Variants in PDE4D observed in about 807,000 individuals in gnomAD.
PDE4D encodes phosphodiesterase 4D.
PDE4D carries 24 observed loss-of-function variants against 87.4 expected under a neutral mutation model. The observed-to-expected ratio is 0.27, with a 90% CI of 0.20 to 0.39. The LOEUF is 0.39. Among genes scored for constraint, PDE4D ranks in the 10% least tolerant of loss-of-function variants. The pLI is 1.00. For synonymous variants in PDE4D, 384 were observed against 383.2 expected, an observed-to-expected ratio of 1.00 and a Z score of -0.02; for missense variants, 714 against 1,041.0, an observed-to-expected ratio of 0.69 and a Z score of 4.32.
chr5:59,087,958 G>A (rs1014173863), intron 5 of PDE4D, among the ~76,000 whole-genome samples: 10 of 152,160 alleles, frequency 6.6e-5, no homozygotes, highest in Non-Finnish European at 1.3e-4. Flanking sequence ...TTGTTGTAAT[G>A]TCATTGTCCT....
intron 1 of PDE4D, among the ~76,000 whole-genome samples, chr5:59,750,388 CTCCTACCTCATTTTCTATAACT>C (rs2150722014): frequency 6.6e-6 from 1 of 152,218 alleles, no homozygotes; most frequent in African/African-American, 2.4e-5. Flanking sequence ...CTTTCTGTGG[CTCCTACCTCATTTTCTATAACT>C]TCCCCCCTCC....
At chr5:59,729,688 T>A (rs1407024804) in intron 1 of PDE4D, among the ~76,000 whole-genome samples, 1 of 152,058 alleles carries the variant, frequency 6.6e-6, no homozygotes, top group Non-Finnish European at 1.5e-5. Flanking sequence ...CGAAAGTAAG[T>A]CTAGAAAACC....
chr5:60,302,246 C>T (rs1753968595), intron 1 of PDE4D, among the ~76,000 whole-genome samples: 1 of 152,104 alleles, frequency 6.6e-6, no homozygotes, highest in African/African-American at 2.4e-5. Flanking sequence ...AGAAATAGTA[C>T]CAGCTCTTCT....
chr5:59,714,562 C>T (rs1754711745), intron 1 of PDE4D, among the ~76,000 whole-genome samples: 1 of 152,194 alleles, frequency 6.6e-6, no homozygotes, highest in Admixed American at 6.5e-5. Context: ...GCCTGACAGC[C>T]ATCCCATCTA....
intron 1 of PDE4D, among the ~76,000 whole-genome samples, chr5:59,261,992 G>T (rs779723942): frequency 7.2e-5 from 11 of 151,822 alleles, no homozygotes; most frequent in Middle Eastern, 3.2e-3. Context: ...AATTCAAGTA[G>T]GGAGGTTTTA....
intron 1 of PDE4D, among the ~76,000 whole-genome samples, chr5:59,633,431 A>G (rs535882496): frequency 6.6e-6 from 1 of 152,196 alleles, no homozygotes; most frequent in South Asian, 2.1e-4. Context: ...CAAGACACAT[A>G]ATCGTGAGAT....
In PDE4D at chr5:60,329,368, G is replaced by A. The variant is rs149508803; in HGVS notation, c.-89-143681C>T. 0.012 allele frequency among the ~76,000 whole-genome samples: 1,815 copies of A among 152,214 alleles called. 60 individuals are homozygous for A. The East Asian group carries it at 0.13, about 11-fold the overall frequency. On this transcript the variant is annotated intron_variant, in intron 1 of 16. Transcript: ENST00000502484. ...CTTCTCCTTGCTGCCACCATGTAAAGAAGGACATGTTTGCTTCCCCTTCCA... is the reference window on the plus strand; with the variant it reads ...CTTCTCCTTGCTGCCACCATGTAAAAAAGGACATGTTTGCTTCCCCTTCCA...
chr5:59,286,918 A>ATCG (rs34261138), intron 1 of PDE4D, among the ~76,000 whole-genome samples: 2 of 19,734 alleles, frequency 1.0e-4, no homozygotes, highest in East Asian at 6.0e-3. Context: ...CTTTGGATGT[A>ATCG]TATTTTCATT....
intron 2 of PDE4D, among the ~76,000 whole-genome samples, chr5:59,992,149 C>A (rs1226149015): frequency 6.6e-6 from 1 of 151,666 alleles, no homozygotes; most frequent in Non-Finnish European, 1.5e-5. Context: ...GACTCTTGGA[C>A]CTACACAAGT....
At chr5:59,679,444 A>C (rs1272003179) in intron 1 of PDE4D, among the ~76,000 whole-genome samples, 1 of 152,192 alleles carries the variant, frequency 6.6e-6, no homozygotes, top group South Asian at 2.1e-4. Context: ...ATCTGTGGTT[A>C]TCTTCCCTCC....
At chr5:60,070,267 G>C (rs984620887) in intron 2 of PDE4D, among the ~76,000 whole-genome samples, 8 of 152,058 alleles carry the variant, frequency 5.3e-5, no homozygotes, top group Non-Finnish European at 1.2e-4. Flanking sequence ...TCTAATCTTA[G>C]AGGAAAAGCC....
rs564427673 is a variant in PDE4D at position 59,035,459 on chromosome 5, C to G, written c.921+3400G>C. On this transcript the variant is annotated intron_variant, in intron 6 of 14. Transcript: ENST00000340635. ...TAAAAATCCATCAAACTTGAAGTGT[C>G]TGGTATAAATTACAACCGAATGGTA... 5.9e-5 allele frequency among the ~76,000 whole-genome samples: 9 copies of G among 152,280 alleles called. No individual in the cohort carries two copies. The South Asian group carries it at 1.9e-3, about 32-fold the overall frequency.
intron 6 of PDE4D, among the ~76,000 whole-genome samples, chr5:59,031,559 T>A (rs1387698953): frequency 1.4e-5 from 2 of 146,462 alleles, no homozygotes; most frequent in Non-Finnish European, 3.0e-5. Context: ...ATACAAAAAA[T>A]TAGTGGGGCG....
intron 3 of PDE4D, among the ~76,000 whole-genome samples, chr5:59,915,958 C>A (rs1462210116): frequency 6.6e-6 from 1 of 152,114 alleles, no homozygotes; most frequent in African/African-American, 2.4e-5. Flanking sequence ...TTGAATATTT[C>A]TACAAAAGTA....
intron 1 of PDE4D, among the ~76,000 whole-genome samples, chr5:59,808,261 C>T (rs1767961327): frequency 6.6e-6 from 1 of 152,044 alleles, no homozygotes; most frequent in Admixed American, 6.5e-5. Context: ...CATAGTCATT[C>T]CAACTTCAGA....
chr5:59,092,819 T>TATCATC lies in PDE4D; in HGVS notation c.809-53854_809-53849dup, dbSNP rs139253823. On this transcript the variant is annotated intron_variant, in intron 5 of 14. Coordinates refer to ENST00000340635, the MANE Select transcript of PDE4D (RefSeq NM_001104631.2). ...TAGTGAGCACGCATTGAGTTTTATTTATCATCATCATCATCTTGCTGTACT... is the reference window on the plus strand; with the variant it reads ...TAGTGAGCACGCATTGAGTTTTATTTATCATCATCATCATCATCATCTTGCTGTACT... Among the ~76,000 whole-genome samples the TATCATC allele has an allele frequency of 2.7e-3, 406 of 152,320 alleles. 3 individuals are homozygous for TATCATC. The East Asian group carries it at 0.044, about 16-fold the overall frequency.
At chr5:59,930,226 T>C (rs148735847) in intron 3 of PDE4D, among the ~76,000 whole-genome samples, 120 of 147,290 alleles carry the variant, frequency 8.1e-4, no homozygotes, top group African/African-American at 2.8e-3. Flanking sequence ...AACCTGTAAA[T>C]GTGAACTTAT....
intron 1 of PDE4D, among the ~76,000 whole-genome samples, chr5:59,863,136 T>C (rs1746521839): frequency 6.6e-6 from 1 of 152,162 alleles, no homozygotes; most frequent in African/African-American, 2.4e-5. Flanking sequence ...ATGCTACCTA[T>C]TTTGAAAATC....
chr5:59,827,402 G>GA (rs1413363846), intron 1 of PDE4D, among the ~76,000 whole-genome samples: 1 of 152,118 alleles, frequency 6.6e-6, no homozygotes. Context: ...TTGCATCATT[G>GA]AAATGTGTCT....
Sources: gnomAD v4.1 joint callset for allele counts (sites outside exome capture counted in the v4.1 genomes callset) on GRCh38, gnomAD v4.1.1 for gene constraint, MANE v1.5 for transcripts, NCBI Gene and HGNC (gene_info 2026-07-23, HGNC 2026-07-21) for gene names.